HERC6: variants seen among roughly 807,000 people sequenced by gnomAD.
HERC6 encodes the protein probable E3 ubiquitin-protein ligase HERC6.
HERC6 carries 101 observed loss-of-function variants against 114.5 expected under a neutral mutation model. The observed-to-expected ratio is 0.88, with a 90% confidence interval of 0.75 to 1.04. The LOEUF is 1.04. Among genes scored for constraint, HERC6 ranks in the 50% least tolerant of loss-of-function variants. The pLI is 0.00. For missense variants in HERC6, 1,133 were observed against 1,230.9 expected, an observed-to-expected ratio of 0.92 and a Z score of 1.19; for synonymous variants, 408 against 436.2, an observed-to-expected ratio of 0.94 and a Z score of 0.81.
intron 8 of HERC6, 195 bp downstream of exon 8, chr4:88,398,404 C>A (rs1037960111): frequency 5.7e-5 from 23 of 403,298 alleles, no homozygotes; most frequent in East Asian, 3.1e-4. Flanking sequence ...CAGATTAGAC[C>A]CCCCCACCAC....
intron 10 of HERC6, among the ~76,000 whole-genome samples, chr4:88,405,988 C>T (rs1235115804): frequency 6.6e-6 from 1 of 152,134 alleles, no homozygotes; most frequent in Non-Finnish European, 1.5e-5. Flanking sequence ...AAAAATAGAT[C>T]TTATTTATGT....
At position 88,431,210 on chromosome 4, in the gene HERC6, G is replaced by C; in HGVS notation, c.2155G>C (p.Glu719Gln). 2.5e-6 allele frequency: 4 copies of C among 1,613,476 alleles called. No individual in the cohort carries two copies. Among genetic ancestry groups the C allele is most frequent in the Non-Finnish European group, 3.4e-6 (4 of 1,179,612 alleles). ...ICPESGGVSS[E>Q]FFHCMFEEMT... ...TCCTGAGTCTGGAGGGGTTAGTTCA[G>C]AGTTCTTCCACTGTATGTTTGAAGA... The change falls in exon 17 of 23, where the codon GAG becomes CAG. Residue 719 changes from glutamate (E) to glutamine (Q), a missense_variant. Physicochemically the swap from Glu to Gln is conservative, Grantham distance 29. Transcript: ENST00000264346.
At chr4:88,398,339 G>A in intron 8 of HERC6, 130 bp downstream of exon 8, 1 of 461,842 alleles carries the variant, frequency 2.2e-6, no homozygotes, top group Non-Finnish European at 3.8e-6. Flanking sequence ...ATATTAGAAT[G>A]CTTATGAAAA....
At chr4:88,424,915 A>G (rs1005748868) in intron 15 of HERC6, among the ~76,000 whole-genome samples, 3 of 152,140 alleles carry the variant, frequency 2.0e-5, no homozygotes, top group African/African-American at 4.8e-5. Flanking sequence ...CCATACTTCA[A>G]TGCATTATTT....
Position 88,393,594 on chromosome 4 carries a change from C to T in HERC6, c.759+12C>T, listed in dbSNP as rs756847149. The T allele has an allele frequency of 1.8e-5, 28 of 1,566,388 alleles. 1 individual carries two copies. The highest frequency in any genetic ancestry group is 2.7e-5 in the African/African-American group (2 of 74,032). ...CGGTGCTTACCCAGGTAATCCAAAA[C>T]GTGTTGCTATTTTTTTGAGTTCCAG... is the stretch of plus-strand genomic sequence containing the variant. On this transcript the variant is annotated intron_variant, in intron 5 of 22. Coordinates refer to ENST00000264346, the MANE Select transcript of HERC6 (RefSeq NM_017912.4).
At chr4:88,389,139 C>G (rs1734757479) in intron 3 of HERC6, among the ~76,000 whole-genome samples, 1 of 151,848 alleles carries the variant, frequency 6.6e-6, no homozygotes, top group Non-Finnish European at 1.5e-5. Flanking sequence ...AAAGAATTAC[C>G]CAGACACAAA....
rs779137830 is a variant in HERC6, at chr4:88,435,805, T to C, written c.2331T>C (p.Leu777=). The C allele has an allele frequency of 6.2e-7, 1 of 1,612,486 alleles. No homozygotes were observed. Among genetic ancestry groups the C allele is most frequent in the South Asian group, 1.1e-5 (1 of 90,842 alleles). ...LSLFNLNVAN[L]PFPLALYKKL... ...TATTCAATTTAAATGTTGCTAACCT[T>C]CCTTTCCCACTGGCTCTGTATAAAA... Residue 777 remains leucine, a synonymous_variant, in exon 18 of 23, where the codon CTT becomes CTC. Transcript: ENST00000264346.
At chr4:88,419,447 A>C (rs1318356641) in intron 13 of HERC6, among the ~76,000 whole-genome samples, 1 of 152,214 alleles carries the variant, frequency 6.6e-6, no homozygotes. Context: ...TGAGTGTCTG[A>C]ATTCACAGTG....
chr4:88,402,829 G>A (rs1735613039), intron 8 of HERC6, among the ~76,000 whole-genome samples: 1 of 152,110 alleles, frequency 6.6e-6, no homozygotes, highest in African/African-American at 2.4e-5. Context: ...CCAAGAGGGA[G>A]CACCTCATTG....
intron 12 of HERC6, among the ~76,000 whole-genome samples, chr4:88,416,338 C>T (rs1465296210): frequency 1.3e-5 from 2 of 152,070 alleles, no homozygotes; most frequent in African/African-American, 4.8e-5. Flanking sequence ...TTGCTCTTTT[C>T]CTATTGGTTG....
In HERC6 at chr4:88,424,599, C is replaced by A; in HGVS notation, c.1832C>A (p.Pro611His). Residue 611 changes from proline (P) to histidine (H), a missense_variant, in exon 15 of 23, where the codon CCT (proline) becomes CAT (histidine). Transcript: ENST00000264346. ...RQLFRDNHLI[P>H]AETPSPVIFS... ...TTATCTCTGTTTATTTTTTAGATAC[C>A]TGCAGAAACCCCCAGTCCTGTTATT... 1 of 1,595,578 alleles carries A rather than the reference C, an allele frequency of 6.3e-7. No homozygotes were observed.
chr4:88,408,225 C>A (rs34606416), intron 10 of HERC6, among the ~76,000 whole-genome samples: 1 of 152,002 alleles, frequency 6.6e-6, no homozygotes, highest in Admixed American at 6.6e-5. Flanking sequence ...AGTGTGCAAA[C>A]TGAGTGCGGG....
At chr4:88,435,544 G>C (rs1275693692) in intron 17 of HERC6, among the ~76,000 whole-genome samples, 181 bp from the exon 18 acceptor site, 1 of 151,964 alleles carries the variant, frequency 6.6e-6, no homozygotes, top group Non-Finnish European at 1.5e-5. Flanking sequence ...CAAAATTATG[G>C]AAGAAATTTA....
Position 88,405,622 on chromosome 4 carries a change from T to G in HERC6, c.1274+9T>G, listed in dbSNP as rs1224974752. The G allele has an allele frequency of 3.6e-6, 5 of 1,405,982 alleles. No individual in the cohort carries two copies. In the Admixed American group the frequency reaches 9.9e-5, roughly 28 times the overall value. 87.1% of individuals were successfully genotyped at this position (1,405,982 alleles called of 1,614,324 possible). On this transcript the variant is annotated intron_variant, in intron 10 of 22. Coordinates refer to ENST00000264346, the MANE Select transcript of HERC6 (RefSeq NM_017912.4). Reference sequence around the variant, plus strand: ...AGTTTTTTAAAGAAAAGGTAATACTTACATAAGATTTACCTTCATTTAAAA... The same window carrying G: ...AGTTTTTTAAAGAAAAGGTAATACTGACATAAGATTTACCTTCATTTAAAA...
intron 12 of HERC6, among the ~76,000 whole-genome samples, chr4:88,415,232 C>T (rs1462777241): frequency 6.6e-6 from 1 of 152,172 alleles, no homozygotes; most frequent in Non-Finnish European, 1.5e-5. Context: ...TCCCACTAAA[C>T]AGGATATCAT....
Position 88,441,270 on chromosome 4 carries a change from T to C in HERC6, c.2843-964T>C, listed in dbSNP as rs553632353. Among the ~76,000 whole-genome samples the C allele has an allele frequency of 1.1e-4, 17 of 152,338 alleles. No homozygotes were observed. In the East Asian group the frequency reaches 3.3e-3, roughly 29 times the overall value. On this transcript the variant is annotated intron_variant, in intron 22 of 22. Transcript: ENST00000264346. The stretch of plus-strand genomic sequence containing the variant: ...TGGCAACAACAACTGATGATAATAA[T>C]AGCAGCAGCAGCATTTACTGTGTGC...
intron 13 of HERC6, among the ~76,000 whole-genome samples, chr4:88,419,953 CCCCTCTCCCTCT>C (rs1004085932): frequency 6.6e-6 from 1 of 151,862 alleles, no homozygotes; most frequent in African/African-American, 2.4e-5. Flanking sequence ...CCTCTCTCTT[CCCCTCTCCCTCT>C]CCCTCTCCCT....
At chr4:88,397,525 C>T (rs903849632) in intron 7 of HERC6, among the ~76,000 whole-genome samples, 1 of 151,586 alleles carries the variant, frequency 6.6e-6, no homozygotes, top group Non-Finnish European at 1.5e-5. Flanking sequence ...GGGTGAAACC[C>T]GTCTCTAGTA....
chr4:88,415,404 T>G (rs1414374623), intron 12 of HERC6, among the ~76,000 whole-genome samples: 2 of 152,190 alleles, frequency 1.3e-5, no homozygotes, highest in Non-Finnish European at 2.9e-5. Context: ...ACATTTTTAT[T>G]TTGAGATATT....
Sources: allele counts gnomAD v4.1 joint callset (sites outside exome capture counted in the v4.1 genomes callset), GRCh38; gene constraint gnomAD v4.1.1; transcripts MANE v1.5; gene names NCBI Gene and HGNC (gene_info 2026-07-23, HGNC 2026-07-21).